The following ADAMTSL1 variants were observed in gnomAD, a reference collection of about 807,000 sequenced individuals.
The protein encoded by ADAMTSL1 is ADAMTS like 1.
In ADAMTSL1, 126 loss-of-function variants were observed where a neutral mutation model predicts 201.8. That is an observed-to-expected ratio of 0.62 (90% confidence interval 0.54 to 0.72). The LOEUF is 0.72. Ranked by LOEUF, ADAMTSL1 falls within the 30% of genes least tolerant of loss-of-function variation. ADAMTSL1 has a pLI of 0.00. For missense variants in ADAMTSL1, 2,679 were observed against 2,277.8 expected (o/e 1.18, Z -3.59); for synonymous variants, 1,121 against 903.4 (o/e 1.24, Z -4.32).
At chr9:18,558,307 G>C (rs552989338) in intron 3 of ADAMTSL1, among the ~76,000 whole-genome samples, 1 of 152,056 alleles carries the variant, frequency 6.6e-6, no homozygotes. Flanking sequence ...ATGGTTTCCA[G>C]CTTTATCCAT....
At chr9:18,768,607 T>C (rs528507437) in intron 16 of ADAMTSL1, among the ~76,000 whole-genome samples, 18 of 152,262 alleles carry the variant, frequency 1.2e-4, no homozygotes, top group African/African-American at 4.3e-4. Context: ...CTCAATTATT[T>C]TTTTAAATTT....
intron 13 of ADAMTSL1, among the ~76,000 whole-genome samples, chr9:18,700,468 T>G (rs554004681): frequency 1.3e-5 from 2 of 152,292 alleles, no homozygotes; most frequent in East Asian, 3.9e-4. Flanking sequence ...AGTAGTAATT[T>G]TTTCCCTATT....
intron 1 of ADAMTSL1, among the ~76,000 whole-genome samples, chr9:18,161,062 C>A (rs1827367199): frequency 6.6e-6 from 1 of 151,800 alleles, no homozygotes; most frequent in African/African-American, 2.4e-5. Context: ...ATAAATTGAA[C>A]ATCTTGATAT....
intron 2 of ADAMTSL1, among the ~76,000 whole-genome samples, chr9:18,277,732 C>G (rs999289656): frequency 6.6e-6 from 1 of 152,072 alleles, no homozygotes; most frequent in Admixed American, 6.6e-5. Flanking sequence ...TTCAGTCATC[C>G]TATGTCTTTT....
At chr9:17,943,176 A>G (rs953150267) in intron 1 of ADAMTSL1, among the ~76,000 whole-genome samples, 6 of 152,092 alleles carry the variant, frequency 3.9e-5, no homozygotes, top group African/African-American at 1.4e-4. Context: ...TCCTGGGTTC[A>G]AGCAGTCCTC....
chr9:18,154,061 A>C (rs980829698), intron 1 of ADAMTSL1, among the ~76,000 whole-genome samples: 2 of 152,054 alleles, frequency 1.3e-5, no homozygotes, highest in African/African-American at 4.8e-5. Flanking sequence ...TCAGCTGAAG[A>C]TCAGCACCTA....
At chr9:17,999,347 G>A (rs1819514641) in intron 1 of ADAMTSL1, among the ~76,000 whole-genome samples, 1 of 151,958 alleles carries the variant, frequency 6.6e-6, no homozygotes, top group South Asian at 2.1e-4. Context: ...ATCTCTGTAG[G>A]ATCTAGTAAG....
intron 3 of ADAMTSL1, among the ~76,000 whole-genome samples, chr9:18,549,194 C>G (rs1820648918): frequency 6.6e-6 from 1 of 151,948 alleles, no homozygotes; most frequent in Admixed American, 6.6e-5. Context: ...GAGATTCCAA[C>G]TTTAGGATAA....
chr9:18,431,102 C>G (rs1200030193), intron 2 of ADAMTSL1, among the ~76,000 whole-genome samples: 2 of 152,168 alleles, frequency 1.3e-5, no homozygotes, highest in Non-Finnish European at 2.9e-5. Flanking sequence ...GTACACACTA[C>G]ACACATGCCA....
chr9:18,512,398 A>G (rs954845804), intron 2 of ADAMTSL1, among the ~76,000 whole-genome samples: 21 of 152,136 alleles, frequency 1.4e-4, no homozygotes, highest in African/African-American at 4.6e-4. Flanking sequence ...TTTACTTGCC[A>G]TATCAGGAAT....
intron 2 of ADAMTSL1, among the ~76,000 whole-genome samples, chr9:18,289,152 TCTATCTATCTATCTATCTATCTACCTAC>T (rs1384548078): frequency 8.9e-6 from 1 of 112,066 alleles, no homozygotes; most frequent in Admixed American, 1.1e-4. Context: ...TATCTATCTA[TCTATCTATCTATCTATCTATCTACCTAC>T]CTATCTATCT....
intron 23 of ADAMTSL1, among the ~76,000 whole-genome samples, chr9:18,834,229 C>T (rs1588193430): frequency 6.6e-6 from 1 of 151,984 alleles, no homozygotes; most frequent in South Asian, 2.1e-4. Flanking sequence ...TGAAAAATGT[C>T]GTTGATAGTT....
At chr9:18,529,439 G>T (rs118014989) in intron 2 of ADAMTSL1, among the ~76,000 whole-genome samples, 6 of 152,064 alleles carry the variant, frequency 3.9e-5, no homozygotes, top group Non-Finnish European at 8.8e-5. Flanking sequence ...AGTTAGTCAC[G>T]CCTAGATTCC....
intron 16 of ADAMTSL1, among the ~76,000 whole-genome samples, chr9:18,754,604 G>T (rs1414020373): frequency 6.6e-6 from 1 of 152,182 alleles, no homozygotes; most frequent in East Asian, 1.9e-4. Flanking sequence ...GTGCAGAAGG[G>T]TCTCCCATTT....
intron 2 of ADAMTSL1, among the ~76,000 whole-genome samples, chr9:18,524,559 A>G (rs1304809161): frequency 1.3e-5 from 2 of 152,154 alleles, no homozygotes; most frequent in African/African-American, 4.8e-5. Context: ...CCCATTCAGT[A>G]TGATATTGGC....
At chr9:18,009,296 C>G (rs1382819499) in intron 1 of ADAMTSL1, among the ~76,000 whole-genome samples, 3 of 152,022 alleles carry the variant, frequency 2.0e-5, no homozygotes, top group Non-Finnish European at 4.4e-5. Context: ...GCTTATCTAA[C>G]TGTACCCAAA....
rs1832247096 is a variant in ADAMTSL1 at position 18,706,617 on chromosome 9, T to C, written c.1575-130T>C. On this transcript the variant is annotated intron_variant, in intron 13 of 28. Coordinates refer to ENST00000380548, the MANE Select transcript of ADAMTSL1 (RefSeq NM_001040272.6). ...ACTGAAGCGCCATCACAGGACAGGG[T>C]GGAGGAGCCCTGAGTACCCCTGGGA... is the stretch of plus-strand genomic sequence containing the variant. The C allele has an allele frequency of 9.1e-6, 8 of 883,460 alleles. No individual in the cohort carries two copies. The Middle Eastern group carries it at 1.1e-3, about 117-fold the overall frequency. 54.7% of individuals were successfully genotyped at this position (883,460 alleles called of 1,614,324 possible).
At chr9:18,488,653 A>G (rs908607821) in intron 1 of ADAMTSL1, among the ~76,000 whole-genome samples, 1 of 152,210 alleles carries the variant, frequency 6.6e-6, no homozygotes, top group African/African-American at 2.4e-5. Context: ...AAAACAAGTC[A>G]TGCAACCTAC....
chr9:18,194,822 C>T (rs527390221), intron 2 of ADAMTSL1, among the ~76,000 whole-genome samples: 6 of 152,174 alleles, frequency 3.9e-5, no homozygotes, highest in Non-Finnish European at 8.8e-5. Context: ...CCCACATTCT[C>T]CAAGTTGTCC....
Sources: allele counts gnomAD v4.1 joint callset (sites outside exome capture counted in the v4.1 genomes callset), GRCh38; gene constraint gnomAD v4.1.1; transcripts MANE v1.5; gene names NCBI Gene and HGNC (gene_info 2026-07-23, HGNC 2026-07-21).